PPIG: variants seen among roughly 807,000 people sequenced by gnomAD.
PPIG encodes peptidyl-prolyl cis-trans isomerase G.
In PPIG, 26 loss-of-function variants were observed where a neutral mutation model predicts 87.9. That is an observed-to-expected ratio of 0.30 (90% CI 0.22 to 0.41). PPIG has a LOEUF of 0.41. PPIG is among the 10% of genes least tolerant of loss of function. The pLI, the probability that PPIG is intolerant of heterozygous loss-of-function variation, is 1.00. For synonymous variants in PPIG, 308 were observed against 276.5 expected (o/e 1.11, Z -1.13); for missense variants, 722 against 879.4 (o/e 0.82, Z 2.26).
intron 4 of PPIG, among the ~76,000 whole-genome samples, chr2:169,605,526 T>C (rs375666099): frequency 3.3e-5 from 5 of 150,756 alleles, no homozygotes; most frequent in East Asian, 3.9e-4. Context: ...AGAGGCCAAG[T>C]GTGGTGGCCC....
intron 1 of PPIG, 68 bp downstream of exon 1, chr2:169,584,558 A>T (rs1257361822): frequency 4.3e-6 from 2 of 466,054 alleles, no homozygotes; most frequent in Non-Finnish European, 8.9e-6. Flanking sequence ...CGAAAGCGGG[A>T]AGGGCCTGGG....
At chr2:169,619,734 A>G (rs1685693190) in intron 9 of PPIG, among the ~76,000 whole-genome samples, 1 of 150,304 alleles carries the variant, frequency 6.7e-6, no homozygotes, top group African/African-American at 2.4e-5. Context: ...TTTTCTTCAC[A>G]TCCTCTCCCT....
rs1233848176 is a variant in PPIG at position 169,623,442 on chromosome 2, A to C, written c.548-7332A>C. On this transcript the variant is annotated intron_variant, in intron 9 of 13. Coordinates refer to ENST00000260970, the MANE Select transcript of PPIG (RefSeq NM_004792.3). The stretch of plus-strand genomic sequence containing the variant: ...CACAAGCTTAGCGTACCAATAATGA[A>C]ACTAAGAGATGAGAGGATTGCTATG... 1.6e-4 allele frequency among the ~76,000 whole-genome samples: 24 copies of C among 152,206 alleles called. 1 individual carries two copies. Among genetic ancestry groups the C allele is most frequent in the Admixed American group, 1.6e-3 (24 of 15,274 alleles).
intron 7 of PPIG, among the ~76,000 whole-genome samples, chr2:169,608,973 A>C (rs1050253140): frequency 6.6e-6 from 1 of 151,534 alleles, no homozygotes; most frequent in Admixed American, 6.6e-5. Context: ...AGTCCCAGCT[A>C]CTTGGGAGGC....
chr2:169,598,060 G>A (rs1484210472), intron 1 of PPIG, among the ~76,000 whole-genome samples: 1 of 151,244 alleles, frequency 6.6e-6, no homozygotes, highest in Admixed American at 6.6e-5. Flanking sequence ...GAGTGCCATG[G>A]CACAATCTCA....
At chr2:169,597,673 AT>A in intron 1 of PPIG, among the ~76,000 whole-genome samples, 1 of 151,586 alleles carries the variant, frequency 6.6e-6, no homozygotes, top group East Asian at 2.0e-4. Context: ...AATTATTTAT[AT>A]TTTTAGTAAA....
At chr2:169,633,476 G>A (rs578170879) in intron 12 of PPIG, 18 of 547,652 alleles carry the variant, frequency 3.3e-5, no homozygotes, top group Middle Eastern at 4.6e-4. Flanking sequence ...TATAAAATGG[G>A]ATCGAGGTCT....
chr2:169,620,631 T>G (rs1330555929), intron 9 of PPIG, among the ~76,000 whole-genome samples: 5 of 152,180 alleles, frequency 3.3e-5, no homozygotes, highest in Non-Finnish European at 7.4e-5. Flanking sequence ...TATTTTTTCT[T>G]TAAGCACTAC....
At chr2:169,593,126 G>A (rs374379446) in intron 1 of PPIG, among the ~76,000 whole-genome samples, 2 of 149,422 alleles carry the variant, frequency 1.3e-5, no homozygotes, top group African/African-American at 4.9e-5. Context: ...GACTGTGTGT[G>A]TATATATATA....
At chr2:169,623,163 A>G (rs969759010) in intron 9 of PPIG, among the ~76,000 whole-genome samples, 2 of 152,184 alleles carry the variant, frequency 1.3e-5, no homozygotes, top group Admixed American at 1.3e-4. Flanking sequence ...GGAACACTGG[A>G]AGCTAATAAA....
chr2:169,586,841 T>A (rs1684718004), intron 1 of PPIG, among the ~76,000 whole-genome samples: 1 of 152,238 alleles, frequency 6.6e-6, no homozygotes, highest in African/African-American at 2.4e-5. Context: ...TACTAAGATG[T>A]CATGAAGGAA....
In PPIG at chr2:169,614,742, A is replaced by T. The variant is rs372767466; in HGVS notation, c.547+18A>T. 4.7e-5 allele frequency: 74 copies of T among 1,587,200 alleles called. No individual in the cohort carries two copies. In the African/African-American group the frequency reaches 7.9e-4, roughly 17 times the overall value. ...ATCTAAAGGTAAAAAGGAAGTACAT[A>T]TTTCTGAGAATACTTACACATACAA... On this transcript the variant is annotated intron_variant, in intron 9 of 13. Coordinates refer to ENST00000260970, the MANE Select transcript of PPIG (RefSeq NM_004792.3).
intron 1 of PPIG, among the ~76,000 whole-genome samples, chr2:169,590,786 T>G (rs1684844179): frequency 6.6e-6 from 1 of 152,170 alleles, no homozygotes; most frequent in Non-Finnish European, 1.5e-5. Flanking sequence ...GTCAGAGACT[T>G]GCTTGGCATC....
intron 1 of PPIG, among the ~76,000 whole-genome samples, chr2:169,599,786 A>C (rs1400004227): frequency 6.6e-6 from 1 of 152,228 alleles, no homozygotes. Flanking sequence ...AGTGAGTTGG[A>C]TAACCCTACT....
In PPIG at chr2:169,600,862, A is replaced by T. The variant is rs372065772; in HGVS notation, c.-69-2780A>T. 7.2e-5 allele frequency among the ~76,000 whole-genome samples: 11 copies of T among 152,296 alleles called. No homozygotes were observed. In the East Asian group the frequency reaches 2.1e-3, roughly 29 times the overall value. Reference sequence around the variant, plus strand: ...TCCTATTTTGTTTTACTGTGCAGATACATTTTAAACTTTTATGAATTTTAA... The same window carrying T: ...TCCTATTTTGTTTTACTGTGCAGATTCATTTTAAACTTTTATGAATTTTAA... On this transcript the variant is annotated intron_variant, in intron 1 of 13. Transcript: ENST00000260970.
Position 169,584,484 on chromosome 2 carries a change from G to A in PPIG, c.-76G>A. The stretch of plus-strand genomic sequence containing the variant: ...ACCCAGAGAAGAGGAAAACTCTACC[G>A]GTGCAGGTAAGTGGTATGAGGCTCA... On this transcript the variant is annotated 5_prime_UTR_variant, in exon 1 of 14. Coordinates refer to ENST00000260970, the MANE Select transcript of PPIG (RefSeq NM_004792.3). The A allele has an allele frequency of 2.1e-6, 1 of 470,780 alleles. No individual in the cohort carries two copies. Among genetic ancestry groups the A allele is most frequent in the Non-Finnish European group, 4.4e-6 (1 of 226,912 alleles). The allele number at this position is 470,780 out of a possible 1,614,324, so 29.2% of individuals were successfully genotyped here.
At chr2:169,598,134 G>A (rs1685073746) in intron 1 of PPIG, among the ~76,000 whole-genome samples, 1 of 151,976 alleles carries the variant, frequency 6.6e-6, no homozygotes, top group South Asian at 2.1e-4. Flanking sequence ...CCAGGTAGCT[G>A]GGACTACAGG....
chr2:169,630,994 A>C lies in PPIG; in HGVS notation c.761+7A>C, dbSNP rs1416167566. On this transcript the variant is annotated splice_region_variant and intron_variant, in intron 10 of 13. Transcript: ENST00000260970. ...GAAAGAAAAGCAAGAAGAGGTCTTA[A>C]TTTTACTTTTCTAATGCTAGCTTTA... 6.4e-7 allele frequency: 1 copy of C among 1,572,850 alleles called. No individual in the cohort carries two copies. Among genetic ancestry groups the C allele is most frequent in the Non-Finnish European group, 8.6e-7 (1 of 1,164,136 alleles).
chr2:169,624,476 AC>A (rs1685832394), intron 9 of PPIG, among the ~76,000 whole-genome samples: 1 of 152,146 alleles, frequency 6.6e-6, no homozygotes, highest in Admixed American at 6.5e-5. Context: ...ATGATTCTTA[AC>A]TTGCATTGTG....
Sources: gnomAD v4.1 joint callset for allele counts (sites outside exome capture counted in the v4.1 genomes callset) on GRCh38, gnomAD v4.1.1 for gene constraint, MANE v1.5 for transcripts, NCBI Gene and HGNC (gene_info 2026-07-23, HGNC 2026-07-21) for gene names.